Variants in KAT7 observed in about 807,000 individuals in gnomAD.
The protein encoded by KAT7 is lysine acetyltransferase 7.
KAT7 carries 10 observed loss-of-function variants against 82.1 expected under a neutral mutation model. The observed-to-expected ratio is 0.12, with a 90% CI of 0.08 to 0.21. KAT7 has a LOEUF of 0.21. Among genes scored for constraint, KAT7 ranks in the 10% least tolerant of loss-of-function variants. KAT7 has a pLI of 1.00. For missense variants in KAT7, 378 were observed against 760.9 expected (o/e 0.50, Z 5.92); for synonymous variants, 250 against 262.5 (o/e 0.95, Z 0.46).
chr17:49,791,834 A>G (rs374923863), intron 1 of KAT7, 52 bp from the exon 2 acceptor site: 12 of 1,570,714 alleles, frequency 7.6e-6, no homozygotes, highest in East Asian at 2.3e-5. Context: ...TGTTAATGCA[A>G]ACTCTCAGAC....
rs72839116 is a variant in KAT7, at chr17:49,813,696, A to G, written c.853-2107A>G. Among the ~76,000 whole-genome samples the G allele has an allele frequency of 3.3e-3, 509 of 152,304 alleles. 2 individuals carry two copies. Among genetic ancestry groups the G allele is most frequent in the Non-Finnish European group, 5.3e-3 (363 of 68,026 alleles). On this transcript the variant is annotated intron_variant, in intron 7 of 14. Coordinates refer to ENST00000259021, the MANE Select transcript of KAT7 (RefSeq NM_007067.5). ...ATTTACATGGCATTGACATCACATT[A>G]TAAGTAATCTAGAGATGACTTAAAG...
At position 49,811,550 on chromosome 17, in the gene KAT7, C is replaced by A; in HGVS notation, c.828C>A (p.Ser276Arg). Residue 276 changes from serine to arginine, a missense_variant, in exon 7 of 15, where the codon AGC becomes AGA. By Grantham distance (110) the Ser-to-Arg change is moderately radical (BLOSUM62 -1). Coordinates refer to ENST00000259021, the MANE Select transcript of KAT7 (RefSeq NM_007067.5). ...GGAAGAAAAGAAATTCTGGACTGAGCAAAGAACAGAAAGAGAAATATATGG... is the reference window on the plus strand; with the variant it reads ...GGAAGAAAAGAAATTCTGGACTGAGAAAAGAACAGAAAGAGAAATATATGG... ...ELRKKRNSGL[S>R]KEQKEKYMEH... 6.6e-7 allele frequency: 1 copy of A among 1,525,458 alleles called. No homozygotes were observed. The allele number at this position is 1,525,458 out of a possible 1,614,324, so 94.5% of individuals were successfully genotyped here.
intron 4 of KAT7, among the ~76,000 whole-genome samples, chr17:49,803,750 C>T (rs1438590099): frequency 6.6e-6 from 1 of 152,088 alleles, no homozygotes; most frequent in African/African-American, 2.4e-5. Flanking sequence ...ATAATACAGT[C>T]CCGGAGAAAT....
rs367942280 is a variant in KAT7 at position 49,805,558 on chromosome 17, C to G, written c.663+113C>G. On this transcript the variant is annotated intron_variant, in intron 5 of 14. Coordinates refer to ENST00000259021, the MANE Select transcript of KAT7 (RefSeq NM_007067.5). Reference sequence around the variant, plus strand: ...CAACAAGATGGGTAGGGTCCTTGTTCTTACATTGTAGTGGAGGAAACATAA... The same window carrying G: ...CAACAAGATGGGTAGGGTCCTTGTTGTTACATTGTAGTGGAGGAAACATAA... 6 of 628,082 alleles carry G rather than the reference C, an allele frequency of 9.6e-6. No individual in the cohort carries two copies. In the East Asian group the frequency reaches 1.8e-4, roughly 18 times the overall value. The allele number at this position is 628,082 out of a possible 1,614,324, so 38.9% of individuals were successfully genotyped here.
rs2144010329 is a variant in KAT7, at chr17:49,829,760, C to G, written c.*2258C>G. On this transcript the variant is annotated 3_prime_UTR_variant, in exon 15 of 15. Transcript: ENST00000259021. ...AGTCCTGATCCCAGGTCTCCACTCG[C>G]TTTGCCATCCCACTTTACTCCCTAA... The G allele has an allele frequency of 6.6e-6, 1 of 152,286 alleles. No homozygotes were observed. The highest frequency in any genetic ancestry group is 1.9e-4 in the East Asian group (1 of 5,186). 9.4% of individuals were successfully genotyped at this position (152,286 alleles called of 1,614,324 possible). A position where few individuals can be genotyped will look rare whatever the true frequency, so the allele number is the denominator to read the frequency against.
rs140315208 is a variant in KAT7, at chr17:49,819,416, G to A, written c.1155+1405G>A. ...GGGGCACTGATACAGATGGCAGGCCGTGGAGATAAAGTAAAATGGTTTTAC... is the reference window on the plus strand; with the variant it reads ...GGGGCACTGATACAGATGGCAGGCCATGGAGATAAAGTAAAATGGTTTTAC... On this transcript the variant is annotated intron_variant, in intron 9 of 14. Coordinates refer to ENST00000259021, the MANE Select transcript of KAT7 (RefSeq NM_007067.5). 5.7e-3 allele frequency among the ~76,000 whole-genome samples: 867 copies of A among 152,310 alleles called. 4 individuals carry two copies. The highest frequency in any genetic ancestry group is 0.02 in the African/African-American group (831 of 41,552).
intron 2 of KAT7, among the ~76,000 whole-genome samples, chr17:49,792,476 C>G (rs2073902830): frequency 6.6e-6 from 1 of 151,900 alleles, no homozygotes; most frequent in South Asian, 2.1e-4. Flanking sequence ...AAACAATATG[C>G]ATTCAGTGGA....
At chr17:49,804,547 A>C (rs777588511) in intron 4 of KAT7, among the ~76,000 whole-genome samples, 2 of 152,158 alleles carry the variant, frequency 1.3e-5, no homozygotes, top group Non-Finnish European at 2.9e-5. Context: ...AGGCGGAGGC[A>C]GGAAGATTGC....
intron 6 of KAT7, 128 bp from the exon 7 acceptor site, chr17:49,811,348 C>T (rs2074162688): frequency 4.5e-6 from 2 of 449,044 alleles, no homozygotes; most frequent in Non-Finnish European, 8.3e-6. Flanking sequence ...CTCAGGTGGT[C>T]TGCCTGCCTT....
rs946335520 is a variant in KAT7, at chr17:49,828,211, G to A, written c.*709G>A. 4.6e-5 allele frequency: 7 copies of A among 152,258 alleles called. No individual in the cohort carries two copies. Among genetic ancestry groups the A allele is most frequent in the African/African-American group, 1.4e-4 (6 of 41,494 alleles). 9.4% of individuals were successfully genotyped at this position (152,258 alleles called of 1,614,324 possible). On this transcript the variant is annotated 3_prime_UTR_variant, in exon 15 of 15. Transcript: ENST00000259021. ...GATTTGAGTTCACCTGTGGGCAGTG[G>A]GCAGTGGGCAGTGTCTTGGTGAAAG... is the stretch of plus-strand genomic sequence containing the variant.
chr17:49,794,317 G>A (rs1200263548), intron 2 of KAT7, among the ~76,000 whole-genome samples: 1 of 152,046 alleles, frequency 6.6e-6, no homozygotes, highest in Non-Finnish European at 1.5e-5. Context: ...ACAGAATCTC[G>A]CTCTGTCGCC....
intron 14 of KAT7, 69 bp downstream of exon 14, chr17:49,826,868 C>A: frequency 3.0e-6 from 3 of 994,918 alleles, no homozygotes; most frequent in Admixed American, 2.0e-5. Flanking sequence ...AAAGTATGGG[C>A]CTTAAGACTG....
chr17:49,805,298 A>T, intron 4 of KAT7, 65 bp from the exon 5 acceptor site: 1 of 1,130,762 alleles, frequency 8.8e-7, no homozygotes, highest in Non-Finnish European at 1.3e-6. Context: ...GGTTTGTCTT[A>T]GAGAAACATA....
rs750383801 is a variant in KAT7, at chr17:49,791,874, A to G, written c.16-12A>G. On this transcript the variant is annotated splice_polypyrimidine_tract_variant and intron_variant, in intron 1 of 14. Coordinates refer to ENST00000259021, the MANE Select transcript of KAT7 (RefSeq NM_007067.5). ...TGCTTCTGTGCTAATATCTGGATCT[A>G]TGGTATTACAGAGGAATGCAGGCAG... 5.6e-6 allele frequency: 9 copies of G among 1,613,258 alleles called. No homozygotes were observed. Among genetic ancestry groups the G allele is most frequent in the Admixed American group, 1.7e-5 (1 of 59,994 alleles).
chr17:49,797,479 C>G (rs1021886944), intron 3 of KAT7, among the ~76,000 whole-genome samples: 1 of 152,238 alleles, frequency 6.6e-6, no homozygotes, highest in East Asian at 1.9e-4. Flanking sequence ...CCCTTCTTAA[C>G]CACATTTGAA....
Position 49,791,915 on chromosome 17 carries a change from C to T in KAT7, c.45C>T (p.Thr15=), listed in dbSNP as rs771520735. Residue 15 remains threonine, a synonymous_variant, in exon 2 of 15, where the codon ACC becomes ACT. Transcript: ENST00000259021. The stretch of plus-strand genomic sequence containing the variant: ...ATGCAGGCAGTAGTTCAGATGGAAC[C>T]GAAGATTCCGATTTTTCTACAGATC... ...KRNAGSSSDG[T]EDSDFSTDLE... 1.1e-5 allele frequency: 18 copies of T among 1,614,076 alleles called. No homozygotes were observed. The highest frequency in any genetic ancestry group is 1.4e-5 in the Non-Finnish European group (17 of 1,179,970).
chr17:49,828,822 C>T lies in KAT7; in HGVS notation c.*1320C>T, dbSNP rs1009731137. 4.6e-5 allele frequency: 7 copies of T among 153,432 alleles called. No homozygotes were observed. Among genetic ancestry groups the T allele is most frequent in the African/African-American group, 1.7e-4 (7 of 41,450 alleles). 9.5% of individuals were successfully genotyped at this position (153,432 alleles called of 1,614,324 possible). On this transcript the variant is annotated 3_prime_UTR_variant, in exon 15 of 15. Transcript: ENST00000259021. ...CAACATGCTGTCTTCATGTGGAGCC[C>T]TCACCACAATCCCTGACTCCGGTCA...
chr17:49,818,129 G>A (rs2074256509), intron 9 of KAT7, 118 bp downstream of exon 9: 4 of 741,966 alleles, frequency 5.4e-6, no homozygotes, highest in Non-Finnish European at 6.7e-6. Flanking sequence ...TCAGCAGTGG[G>A]ATGAAGGCAT....
At chr17:49,797,902 A>G (rs1363811727) in intron 3 of KAT7, among the ~76,000 whole-genome samples, 1 of 152,086 alleles carries the variant, frequency 6.6e-6, no homozygotes, top group Non-Finnish European at 1.5e-5. Context: ...AAACAGGCTC[A>G]CTCAAGACTC....
Sources: allele counts gnomAD v4.1 joint callset (sites outside exome capture counted in the v4.1 genomes callset), GRCh38; gene constraint gnomAD v4.1.1; transcripts MANE v1.5; gene names NCBI Gene and HGNC (gene_info 2026-07-23, HGNC 2026-07-21).